Variants in SHISA6 observed in about 807,000 individuals in gnomAD.
The protein encoded by SHISA6 is shisa family member 6, also known as protein shisa-6.
SHISA6 carries 22 observed loss-of-function variants against 47.9 expected under a neutral mutation model. The observed-to-expected ratio is 0.46, with a 90% CI of 0.33 to 0.66. SHISA6 has a LOEUF of 0.66. Among genes scored for constraint, SHISA6 ranks in the 30% least tolerant of loss-of-function variants. The probability of loss-of-function intolerance (pLI) is 0.02; values close to 1 mark genes in which losing one functional copy is unlikely to be tolerated. For missense variants in SHISA6, 680 were observed against 764.6 expected (o/e 0.89, Z 1.30); for synonymous variants, 388 against 337.8 (o/e 1.15, Z -1.63).
At chr17:11,515,721 T>C (rs1231385128) in intron 3 of SHISA6, among the ~76,000 whole-genome samples, 10 of 152,090 alleles carry the variant, frequency 6.6e-5, no homozygotes, top group Admixed American at 6.6e-4. Flanking sequence ...CTCACAACAC[T>C]GTCCTAGCAA....
At chr17:11,540,709 G>GT (rs536367839) in intron 3 of SHISA6, among the ~76,000 whole-genome samples, 2 of 152,186 alleles carry the variant, frequency 1.3e-5, no homozygotes, top group Non-Finnish European at 2.9e-5. Flanking sequence ...GTTATTTATG[G>GT]TTGGACTTCT....
At chr17:11,347,568 G>A (rs1184170422) in intron 2 of SHISA6, among the ~76,000 whole-genome samples, 1 of 152,156 alleles carries the variant, frequency 6.6e-6, no homozygotes, top group Non-Finnish European at 1.5e-5. Flanking sequence ...CACAGATGAG[G>A]AAACGGTGGC....
At chr17:11,317,966 C>T (rs1483165414) in intron 2 of SHISA6, among the ~76,000 whole-genome samples, 1 of 152,150 alleles carries the variant, frequency 6.6e-6, no homozygotes, top group Admixed American at 6.5e-5. Context: ...CTAACCTGTC[C>T]CTGCCACTCA....
intron 2 of SHISA6, among the ~76,000 whole-genome samples, chr17:11,319,259 A>G (rs2142194501): frequency 6.6e-6 from 1 of 151,996 alleles, no homozygotes; most frequent in East Asian, 1.9e-4. Context: ...TTGTATTTTT[A>G]GTGGAGACGG....
chr17:11,538,203 A>G lies in SHISA6; in HGVS notation c.896-13693A>G, dbSNP rs193213822. Among the ~76,000 whole-genome samples the G allele has an allele frequency of 2.8e-3, 424 of 152,268 alleles. 4 individuals carry two copies. The highest frequency in any genetic ancestry group is 9.7e-3 in the African/African-American group (403 of 41,548). On this transcript the variant is annotated intron_variant, in intron 3 of 5. Coordinates refer to ENST00000441885, the MANE Select transcript of SHISA6 (RefSeq NM_207386.4). ...CTCAGCCTCCAAAGTAGCTGGGACT[A>G]CAGGCACCCACCACCATGCCCAGCT...
chr17:11,410,489 G>T (rs1261900778), intron 3 of SHISA6, among the ~76,000 whole-genome samples: 1 of 152,134 alleles, frequency 6.6e-6, no homozygotes, highest in Non-Finnish European at 1.5e-5. Flanking sequence ...TTTGAATTCA[G>T]GTCCAATTAG....
At chr17:11,522,180 T>C (rs1354677706) in intron 3 of SHISA6, among the ~76,000 whole-genome samples, 1 of 152,034 alleles carries the variant, frequency 6.6e-6, no homozygotes, top group Non-Finnish European at 1.5e-5. Flanking sequence ...TTAGCCACGA[T>C]GGTCTCAATC....
intron 3 of SHISA6, among the ~76,000 whole-genome samples, chr17:11,485,026 G>A (rs1049786318): frequency 2.6e-5 from 4 of 152,060 alleles, no homozygotes; most frequent in African/African-American, 9.7e-5. Context: ...GCATGCATTT[G>A]GTTTCTTCAA....
At chr17:11,253,664 G>A (rs1266782262) in intron 1 of SHISA6, among the ~76,000 whole-genome samples, 1 of 152,144 alleles carries the variant, frequency 6.6e-6, no homozygotes, top group African/African-American at 2.4e-5. Context: ...TGCTTGACTG[G>A]AAGCTGCTTC....
At chr17:11,296,035 A>T (rs1161237218) in intron 2 of SHISA6, among the ~76,000 whole-genome samples, 1 of 151,346 alleles carries the variant, frequency 6.6e-6, no homozygotes, top group African/African-American at 2.4e-5. Context: ...AAGGGCGCTG[A>T]TAAGCCAGAG....
chr17:11,336,274 G>A (rs1030123260), intron 2 of SHISA6, among the ~76,000 whole-genome samples: 2 of 152,012 alleles, frequency 1.3e-5, no homozygotes, highest in Non-Finnish European at 2.9e-5. Context: ...CCATAAGTTT[G>A]TTTATTTTAT....
chr17:11,485,761 CT>C (rs10582060), intron 3 of SHISA6, among the ~76,000 whole-genome samples: 2,184 of 146,068 alleles, frequency 0.015, 19 homozygotes, highest in African/African-American at 0.031. Flanking sequence ...TTTGCCAGCA[CT>C]TTTTTTTTTT....
At chr17:11,447,478 A>G (rs1411746872) in intron 3 of SHISA6, among the ~76,000 whole-genome samples, 3 of 152,192 alleles carry the variant, frequency 2.0e-5, no homozygotes, top group African/African-American at 7.2e-5. Context: ...AAACCTGGGA[A>G]TGGAGCCACC....
chr17:11,422,783 A>G (rs2142282720), intron 3 of SHISA6, among the ~76,000 whole-genome samples: 1 of 148,694 alleles, frequency 6.7e-6, no homozygotes, highest in South Asian at 2.1e-4. Context: ...AAAAAAAAGT[A>G]CATCCAGGCC....
chr17:11,269,116 A>G (rs1908545488), intron 2 of SHISA6, among the ~76,000 whole-genome samples: 1 of 150,574 alleles, frequency 6.6e-6, no homozygotes, highest in Non-Finnish European at 1.5e-5. Context: ...ATCTCAGCCC[A>G]TTGCAACCTC....
rs368544880 is a variant in SHISA6, at chr17:11,319,151, T to G, written c.799+55625T>G. On this transcript the variant is annotated intron_variant, in intron 2 of 5. Transcript: ENST00000441885. ...TGGAGTGTAATGGCATGATCTTGGC[T>G]CACTGCAACCTCCGCCTCCCGGGTT... Among the ~76,000 whole-genome samples the G allele has an allele frequency of 7.9e-5, 12 of 151,502 alleles. 1 individual carries two copies. The South Asian group carries it at 2.1e-3, about 26-fold the overall frequency.
intron 3 of SHISA6, among the ~76,000 whole-genome samples, chr17:11,544,557 A>G (rs1426195181): frequency 6.6e-6 from 1 of 152,218 alleles, no homozygotes; most frequent in Admixed American, 6.5e-5. Context: ...GAATAGTGAC[A>G]ACGCCAAATA....
chr17:11,416,864 T>G (rs1286162714), intron 3 of SHISA6, among the ~76,000 whole-genome samples: 2 of 152,104 alleles, frequency 1.3e-5, no homozygotes, highest in African/African-American at 4.8e-5. Context: ...ACTTAACCCT[T>G]TCACAACCCT....
chr17:11,361,407 ACCT>A (rs1912281142), intron 2 of SHISA6, among the ~76,000 whole-genome samples: 1 of 152,216 alleles, frequency 6.6e-6, no homozygotes, highest in Non-Finnish European at 1.5e-5. Context: ...GCATCGTGGA[ACCT>A]AGGAACTTGA....
Sources: allele counts gnomAD v4.1 joint callset (sites outside exome capture counted in the v4.1 genomes callset), GRCh38; gene constraint gnomAD v4.1.1; transcripts MANE v1.5; gene names NCBI Gene and HGNC (gene_info 2026-07-23, HGNC 2026-07-21).